MAP3K20: variants seen among roughly 807,000 people sequenced by gnomAD.
The protein encoded by MAP3K20 is mitogen-activated protein kinase kinase kinase 20, also known as HCCS-4.
MAP3K20 carries 40 observed loss-of-function variants against 85.7 expected under a neutral mutation model. That is an observed-to-expected ratio of 0.47 (90% CI 0.36 to 0.61). The LOEUF (loss-of-function observed/expected upper bound fraction) is 0.61, where lower values mean the gene tolerates loss of function less well. MAP3K20 is among the 20% of genes least tolerant of loss of function. MAP3K20 has a pLI of 0.00. For missense variants in MAP3K20, 817 were observed against 961.7 expected, an observed-to-expected ratio of 0.85 and a Z score of 1.99; for synonymous variants, 325 against 327.7, an observed-to-expected ratio of 0.99 and a Z score of 0.09.
At chr2:173,191,232 C>T in intron 7 of MAP3K20, 55 bp downstream of exon 7, 1 of 1,600,776 alleles carries the variant, frequency 6.2e-7, no homozygotes, top group Non-Finnish European at 8.5e-7. Flanking sequence ...AGCAAACACT[C>T]AAAAGAAGAG....
intron 11 of MAP3K20, among the ~76,000 whole-genome samples, chr2:173,227,573 G>A (rs1684422432): frequency 6.6e-6 from 1 of 152,172 alleles, no homozygotes; most frequent in Non-Finnish European, 1.5e-5. Context: ...TGAAGCCAGT[G>A]CCTTTCCCTA....
intron 10 of MAP3K20, chr2:173,211,006 T>A (rs1683875510): frequency 6.6e-6 from 1 of 152,250 alleles, no homozygotes; most frequent in Admixed American, 6.5e-5. Context: ...AGGGACTTTT[T>A]TCTGGGCTGA....
intron 9 of MAP3K20, 71 bp downstream of exon 9, chr2:173,203,941 C>T: frequency 1.4e-6 from 2 of 1,398,522 alleles, no homozygotes; most frequent in South Asian, 1.2e-5. Flanking sequence ...GTTTTTAAAA[C>T]TTAGGGTAAT....
intron 2 of MAP3K20, among the ~76,000 whole-genome samples, chr2:173,132,482 C>T (rs918621713): frequency 2.0e-5 from 3 of 152,200 alleles, no homozygotes; most frequent in Non-Finnish European, 4.4e-5. Flanking sequence ...ATTTCTACCC[C>T]TTCCCTGCCC....
At chr2:173,098,931 G>A (rs930718967) in intron 2 of MAP3K20, among the ~76,000 whole-genome samples, 9 of 152,162 alleles carry the variant, frequency 5.9e-5, no homozygotes, top group African/African-American at 1.4e-4. Context: ...GGGAGGTAGC[G>A]CCCAGCAATC....
At chr2:173,256,090 A>T (rs1685151275) in intron 16 of MAP3K20, among the ~76,000 whole-genome samples, 1 of 152,244 alleles carries the variant, frequency 6.6e-6, no homozygotes, top group Admixed American at 6.5e-5. Flanking sequence ...CTGGCCAAAG[A>T]GGGCCAGACA....
At chr2:173,161,911 A>G (rs1016912183) in intron 2 of MAP3K20, among the ~76,000 whole-genome samples, 4 of 152,224 alleles carry the variant, frequency 2.6e-5, no homozygotes, top group African/African-American at 9.6e-5. Context: ...AGGTAAGGAA[A>G]GAGCTTCACT....
chr2:173,221,469 G>GTGACGA (rs1559287135), intron 11 of MAP3K20: 2 of 1,611,732 alleles, frequency 1.2e-6, no homozygotes, highest in East Asian at 2.2e-5. Context: ...TTGTCAGAAG[G>GTGACGA]TGACGATGAT....
At position 173,204,129 on chromosome 2, in the gene MAP3K20, A is replaced by AT. The variant is rs529604709; in HGVS notation, c.744+264dup. 3.3e-5 allele frequency among the ~76,000 whole-genome samples: 5 copies of AT among 152,242 alleles called. No individual in the cohort carries two copies. In the South Asian group the frequency reaches 1.0e-3, roughly 32 times the overall value. On this transcript the variant is annotated intron_variant, in intron 9 of 19. Transcript: ENST00000375213. ...AAATAATTTTATTATTTTGTTTTTA[A>AT]TTTTTAGTAATAACTATTGCACCTA...
At chr2:173,211,568 C>T (rs1279902433) in intron 10 of MAP3K20, 3 of 152,162 alleles carry the variant, frequency 2.0e-5, no homozygotes, top group African/African-American at 7.2e-5. Context: ...GATCAGGTTC[C>T]ACTTTATGTG....
chr2:173,077,241 T>G (rs1686889218), intron 1 of MAP3K20, among the ~76,000 whole-genome samples: 1 of 152,136 alleles, frequency 6.6e-6, no homozygotes, highest in Non-Finnish European at 1.5e-5. Flanking sequence ...TTCGTTGAAA[T>G]GAACAGCTAG....
chr2:173,238,172 A>T (rs1444760733), intron 14 of MAP3K20, among the ~76,000 whole-genome samples: 3 of 152,166 alleles, frequency 2.0e-5, no homozygotes. Flanking sequence ...ATTTTTAAAA[A>T]TTTCTGGTCC....
chr2:173,096,316 G>A (rs1026718984), intron 2 of MAP3K20, among the ~76,000 whole-genome samples: 3 of 149,948 alleles, frequency 2.0e-5, no homozygotes, highest in African/African-American at 7.4e-5. Flanking sequence ...CTGTGGCAAT[G>A]TATGTCACTC....
chr2:173,164,955 T>C (rs1689772147), intron 2 of MAP3K20, among the ~76,000 whole-genome samples: 2 of 152,070 alleles, frequency 1.3e-5, no homozygotes, highest in African/African-American at 4.8e-5. Flanking sequence ...GTAATTTTTC[T>C]GATAAAGGAA....
intron 10 of MAP3K20, among the ~76,000 whole-genome samples, chr2:173,213,813 C>T (rs1574120141): frequency 6.6e-6 from 1 of 152,178 alleles, no homozygotes; most frequent in Non-Finnish European, 1.5e-5. Flanking sequence ...TATTACAGGG[C>T]ATGATCATTT....
At chr2:173,224,853 T>C in intron 11 of MAP3K20, 1 of 985,162 alleles carries the variant, frequency 1.0e-6, no homozygotes, top group Non-Finnish European at 1.2e-6. Flanking sequence ...TTATTAGCCA[T>C]ATGCAGAATT....
intron 11 of MAP3K20, chr2:173,221,128 G>A: frequency 6.9e-7 from 1 of 1,457,198 alleles, no homozygotes; most frequent in Non-Finnish European, 9.1e-7. Context: ...TTTTACTTCT[G>A]TCCTTTCTTC....
intron 11 of MAP3K20, chr2:173,225,452 G>A (rs945930698): frequency 1.3e-5 from 5 of 399,264 alleles, no homozygotes; most frequent in Non-Finnish European, 1.7e-5. Context: ...AAATTGGCTG[G>A]GTGTGGTGTC....
At chr2:173,092,274 T>G (rs1687323118) in intron 2 of MAP3K20, among the ~76,000 whole-genome samples, 2 of 152,172 alleles carry the variant, frequency 1.3e-5, no homozygotes, top group South Asian at 4.1e-4. Context: ...AAGGAGAGCT[T>G]TTAAAGCCCA....
Sources: gnomAD v4.1 joint callset for allele counts (sites outside exome capture counted in the v4.1 genomes callset) on GRCh38, gnomAD v4.1.1 for gene constraint, MANE v1.5 for transcripts, NCBI Gene and HGNC (gene_info 2026-07-23, HGNC 2026-07-21) for gene names.